The following PABPC4L variants were observed in gnomAD, a reference collection of about 807,000 sequenced individuals.
PABPC4L encodes the protein poly(A) binding protein cytoplasmic 4 like.
For synonymous variants in PABPC4L, 169 were observed against 164.1 expected, an observed-to-expected ratio of 1.03 and a Z score of -0.23; for missense variants, 452 against 451.4, an observed-to-expected ratio of 1.00 and a Z score of -0.01.
the PABPC4L span, among the ~76,000 whole-genome samples, chr4:134,167,040 A>T: frequency 6.6e-6 from 1 of 152,122 alleles, no homozygotes; most frequent in Non-Finnish European, 1.5e-5. Flanking sequence ...CCTTTTGACC[A>T]TTCCTATCCT....
chr4:134,121,754 C>T, the PABPC4L span, among the ~76,000 whole-genome samples: 3 of 151,828 alleles, frequency 2.0e-5, no homozygotes, highest in Non-Finnish European at 2.9e-5. Flanking sequence ...AGGACTAACG[C>T]CATGCTGAAT....
the PABPC4L span, among the ~76,000 whole-genome samples, chr4:134,076,517 T>C: frequency 6.6e-6 from 1 of 152,082 alleles, no homozygotes; most frequent in African/African-American, 2.4e-5. Context: ...CTCTGACTTA[T>C]ATGTGGGGAG....
At chr4:134,067,189 T>C in the PABPC4L span, among the ~76,000 whole-genome samples, 4 of 152,118 alleles carry the variant, frequency 2.6e-5, no homozygotes, top group African/African-American at 7.2e-5. Context: ...GTAGGTTTTT[T>C]ACTACTTATT....
chr4:134,072,672 A>G, the PABPC4L span, among the ~76,000 whole-genome samples: 1 of 152,130 alleles, frequency 6.6e-6, no homozygotes. Flanking sequence ...GGACTTGGGT[A>G]TGAAAAAATA....
chr4:134,030,042 C>A, the PABPC4L span, among the ~76,000 whole-genome samples: 11 of 152,182 alleles, frequency 7.2e-5, no homozygotes, highest in African/African-American at 2.4e-4. Flanking sequence ...TCCCCTTCTG[C>A]CATGATTTTA....
the PABPC4L span, among the ~76,000 whole-genome samples, chr4:133,982,133 T>A: frequency 6.6e-6 from 1 of 152,068 alleles, no homozygotes. Context: ...CTGAACTACT[T>A]CCTATAAAAA....
the PABPC4L span, among the ~76,000 whole-genome samples, chr4:134,115,996 G>A: frequency 6.6e-6 from 1 of 151,812 alleles, no homozygotes. Flanking sequence ...AATTTTAAAT[G>A]CTTGCATAGT....
chr4:134,088,874 A>C, the PABPC4L span, among the ~76,000 whole-genome samples: 3 of 152,184 alleles, frequency 2.0e-5, no homozygotes, highest in Non-Finnish European at 4.4e-5. Context: ...TTTATTACAT[A>C]GGCTTGATAA....
rs1729719416 is a variant in PABPC4L, at chr4:134,198,021, C to G, written c.*1886G>C. On this transcript the variant is annotated 3_prime_UTR_variant, in exon 2 of 2. Transcript: ENST00000421491. ...ATGTTAATCTCCAAGTTATTTATGA[C>G]AGAGGAAGAAGAAAAAAGGAAGAAA... 1 of 151,250 alleles carries G rather than the reference C, an allele frequency of 6.6e-6. No individual in the cohort carries two copies. Among genetic ancestry groups the G allele is most frequent in the Admixed American group, 6.6e-5 (1 of 15,206 alleles). The allele number at this position is 151,250 out of a possible 1,614,324, so 9.4% of individuals were successfully genotyped here.
the PABPC4L span, among the ~76,000 whole-genome samples, chr4:134,127,704 A>T: frequency 6.6e-6 from 1 of 152,262 alleles, no homozygotes; most frequent in East Asian, 1.9e-4. Context: ...AATGAGAAAG[A>T]ACCAGAAAAA....
chr4:134,127,927 A>C, the PABPC4L span, among the ~76,000 whole-genome samples: 3 of 152,202 alleles, frequency 2.0e-5, no homozygotes, highest in African/African-American at 7.2e-5. Flanking sequence ...GATATGAATG[A>C]AAAAATCTCC....
the PABPC4L span, among the ~76,000 whole-genome samples, chr4:134,028,876 A>G: frequency 6.6e-6 from 1 of 152,288 alleles, no homozygotes; most frequent in Non-Finnish European, 1.5e-5. Flanking sequence ...GTTTAAAGAA[A>G]AAATTATTTT....
At chr4:134,138,215 C>T in the PABPC4L span, among the ~76,000 whole-genome samples, 6 of 151,742 alleles carry the variant, frequency 4.0e-5, no homozygotes, top group South Asian at 1.2e-3. Context: ...ATTACCAAAA[C>T]CTAGTAAAAA....
downstream of PABPC4L, among the ~76,000 whole-genome samples, chr4:134,193,125 T>C (rs905173398): frequency 3.3e-5 from 5 of 152,198 alleles, no homozygotes; most frequent in African/African-American, 9.6e-5. Flanking sequence ...TGTGCTGCCG[T>C]AGTGTATGCA....
the PABPC4L span, among the ~76,000 whole-genome samples, chr4:134,006,820 G>T: frequency 1.3e-5 from 2 of 151,722 alleles, no homozygotes; most frequent in Admixed American, 6.6e-5. Context: ...CTCGTATGGA[G>T]AAATTTTATG....
the PABPC4L span, among the ~76,000 whole-genome samples, chr4:134,071,769 C>G: frequency 2.6e-5 from 4 of 152,000 alleles, no homozygotes; most frequent in Non-Finnish European, 4.4e-5. Flanking sequence ...TTTAGAGAAC[C>G]AGGAAGTGAA....
chr4:133,975,467 G>C, the PABPC4L span, among the ~76,000 whole-genome samples: 1 of 151,902 alleles, frequency 6.6e-6, no homozygotes, highest in East Asian at 1.9e-4. Context: ...CATTTAAAAA[G>C]GGTGATTTTT....
the PABPC4L span, among the ~76,000 whole-genome samples, chr4:134,007,235 T>G: frequency 2.0e-5 from 3 of 151,846 alleles, no homozygotes; most frequent in African/African-American, 7.2e-5. Context: ...ATTTACTATA[T>G]TTAGACATTC....
At chr4:134,188,916 T>G in the PABPC4L span, among the ~76,000 whole-genome samples, 1 of 152,178 alleles carries the variant, frequency 6.6e-6, no homozygotes, top group African/African-American at 2.4e-5. Context: ...TCTTCTTCAT[T>G]TAATATTTTC....
Sources: gnomAD v4.1 joint callset for allele counts (sites outside exome capture counted in the v4.1 genomes callset) on GRCh38, gnomAD v4.1.1 for gene constraint, MANE v1.5 for transcripts, NCBI Gene and HGNC (gene_info 2026-07-23, HGNC 2026-07-21) for gene names.